Variants in NCK1 observed in about 807,000 individuals in gnomAD.
NCK1 encodes SH2/SH3 adapter protein NCK1.
Under a neutral mutation model 36.6 loss-of-function variants are expected in NCK1, and 19 were observed. That is an observed-to-expected ratio of 0.52 (90% CI 0.36 to 0.76). The LOEUF is 0.76. NCK1 is among the 30% of genes least tolerant of loss of function. NCK1 has a pLI of 0.00. For synonymous variants in NCK1, 165 were observed against 156.0 expected, an observed-to-expected ratio of 1.06 and a Z score of -0.43; for missense variants, 358 against 445.6, an observed-to-expected ratio of 0.80 and a Z score of 1.77.
chr3:136,907,336 G>A (rs1939711826), intron 1 of NCK1, among the ~76,000 whole-genome samples: 1 of 152,124 alleles, frequency 6.6e-6, no homozygotes, highest in Non-Finnish European at 1.5e-5. Context: ...TTGGGTTCCC[G>A]GGCATGACAA....
chr3:136,937,318 G>C (rs1283505355), intron 2 of NCK1, among the ~76,000 whole-genome samples: 2 of 152,132 alleles, frequency 1.3e-5, no homozygotes, highest in African/African-American at 4.8e-5. Flanking sequence ...TTTCATTGCT[G>C]TATATGTCTG....
intron 1 of NCK1, among the ~76,000 whole-genome samples, chr3:136,923,351 C>G (rs1339949366): frequency 6.6e-6 from 1 of 151,992 alleles, no homozygotes; most frequent in East Asian, 1.9e-4. Flanking sequence ...GTCAGGAGAT[C>G]GAAACCATCC....
At chr3:136,893,196 A>ACACACACACACACACACACACAC (rs1560038452) in intron 1 of NCK1, among the ~76,000 whole-genome samples, 4 of 19,008 alleles carry the variant, frequency 2.1e-4, no homozygotes, top group Admixed American at 7.4e-4. Flanking sequence ...ATATATACAC[A>ACACACACACACACACACACACAC]CATGTGCAAG....
chr3:136,865,051 C>G (rs1456921618), intron 1 of NCK1, among the ~76,000 whole-genome samples: 1 of 151,958 alleles, frequency 6.6e-6, no homozygotes, highest in East Asian at 1.9e-4. Context: ...CTCTGCCTGC[C>G]GGGTTCAAGC....
chr3:136,867,047 CT>C (rs56143028), intron 1 of NCK1, among the ~76,000 whole-genome samples: 67,354 of 129,854 alleles, frequency 0.52, 20,056 homozygotes, highest in East Asian at 0.65. Context: ...ATGTTGCTTG[CT>C]TTTCTTTCTT....
intron 1 of NCK1, chr3:136,899,325 G>A: frequency 4.1e-6 from 1 of 243,330 alleles, no homozygotes; most frequent in Non-Finnish European, 8.5e-6. Flanking sequence ...TTTGATGGCA[G>A]CCAGAGCAGT....
At chr3:136,911,862 A>G (rs1939833770) in intron 1 of NCK1, among the ~76,000 whole-genome samples, 1 of 151,302 alleles carries the variant, frequency 6.6e-6, no homozygotes, top group Admixed American at 6.6e-5. Flanking sequence ...TTCTTAGCTG[A>G]CAGTTTTTTT....
chr3:136,872,443 G>T (rs1456370671), intron 1 of NCK1, among the ~76,000 whole-genome samples: 2 of 152,196 alleles, frequency 1.3e-5, no homozygotes, highest in Non-Finnish European at 2.9e-5. Context: ...GCTGTTAAAG[G>T]CATTCAGTTT....
chr3:136,882,557 G>GTA (rs1330568537), intron 1 of NCK1, among the ~76,000 whole-genome samples: 6 of 151,118 alleles, frequency 4.0e-5, no homozygotes, highest in Non-Finnish European at 8.9e-5. Context: ...CTGTGTGTGT[G>GTA]TGTGTGTGTG....
At chr3:136,865,823 A>G (rs1380140505) in intron 1 of NCK1, among the ~76,000 whole-genome samples, 1 of 152,222 alleles carries the variant, frequency 6.6e-6, no homozygotes, top group African/African-American at 2.4e-5. Context: ...ATGAAGATAG[A>G]ATTTATAGTC....
At chr3:136,876,504 C>G (rs1039149953) in intron 1 of NCK1, among the ~76,000 whole-genome samples, 5 of 152,040 alleles carry the variant, frequency 3.3e-5, no homozygotes, top group African/African-American at 7.2e-5. Flanking sequence ...AACTACCATA[C>G]TTTGTTTTCT....
intron 1 of NCK1, among the ~76,000 whole-genome samples, chr3:136,918,566 T>A (rs1359037953): frequency 6.6e-6 from 1 of 152,210 alleles, no homozygotes; most frequent in African/African-American, 2.4e-5. Context: ...CTGATTTCCC[T>A]TAGATTAACC....
chr3:136,914,843 G>A (rs1939918652), intron 1 of NCK1, among the ~76,000 whole-genome samples: 2 of 152,168 alleles, frequency 1.3e-5, no homozygotes, highest in African/African-American at 2.4e-5. Flanking sequence ...TGTTTGGGTC[G>A]TGGGAGTGGA....
At chr3:136,912,162 C>CTTTTTTTTTTTT (rs57596314) in intron 1 of NCK1, among the ~76,000 whole-genome samples, 3 of 128,200 alleles carry the variant, frequency 2.3e-5, no homozygotes, top group Non-Finnish European at 3.2e-5. Flanking sequence ...ATTATTTTTT[C>CTTTTTTTTTTTT]TTTTTTTTTT....
intron 2 of NCK1, among the ~76,000 whole-genome samples, chr3:136,943,976 A>G (rs1940741040): frequency 6.6e-6 from 1 of 152,176 alleles, no homozygotes; most frequent in East Asian, 1.9e-4. Context: ...GACAGTAAGG[A>G]GAGATGACAT....
At position 136,949,616 on chromosome 3, in the gene NCK1, T is replaced by A. The variant is rs1206332383; in HGVS notation, c.*1163T>A. 1 of 152,030 alleles carries A rather than the reference T, an allele frequency of 6.6e-6. No homozygotes were observed. The highest frequency in any genetic ancestry group is 1.5e-5 in the Non-Finnish European group (1 of 67,888). 9.4% of individuals were successfully genotyped at this position (152,030 alleles called of 1,614,324 possible). On this transcript the variant is annotated 3_prime_UTR_variant, in exon 4 of 4. Coordinates refer to ENST00000481752, the MANE Select transcript of NCK1 (RefSeq NM_001291999.2). ...ACCAGTTGTATTTTATGGTCATAAT[T>A]TGTCCCCCTATTATTCTGGAGATTT...
chr3:136,891,221 G>A (rs1182465221), intron 1 of NCK1, among the ~76,000 whole-genome samples: 1 of 152,268 alleles, frequency 6.6e-6, no homozygotes, highest in South Asian at 2.1e-4. Flanking sequence ...TGCAACCTCC[G>A]CCTCCTGGGT....
intron 1 of NCK1, among the ~76,000 whole-genome samples, chr3:136,906,881 G>C (rs149581365): frequency 2.0e-5 from 3 of 152,280 alleles, no homozygotes; most frequent in Non-Finnish European, 2.9e-5. Flanking sequence ...GTGATCGCCA[G>C]GCCCACGGAT....
At chr3:136,927,054 C>T (rs908513433) in intron 1 of NCK1, among the ~76,000 whole-genome samples, 1 of 152,164 alleles carries the variant, frequency 6.6e-6, no homozygotes, top group African/African-American at 2.4e-5. Context: ...TAACTGCAAC[C>T]TCCGCCTCCC....
Sources: allele counts gnomAD v4.1 joint callset (sites outside exome capture counted in the v4.1 genomes callset), GRCh38; gene constraint gnomAD v4.1.1; transcripts MANE v1.5; gene names NCBI Gene and HGNC (gene_info 2026-07-23, HGNC 2026-07-21).